Variants in ZNF600 observed in about 807,000 individuals in gnomAD.
ZNF600 encodes zinc finger protein 600, also known as zinc finger protein KR-ZNF1.
A neutral mutation model predicts 7.3 loss-of-function variants in ZNF600; 4 were observed. That is an observed-to-expected ratio of 0.55 (90% CI 0.27 to 1.25). The LOEUF is 1.25. Ranked by LOEUF, ZNF600 falls within the 50% of genes most tolerant of loss-of-function variation. The pLI is 0.12. For missense variants in ZNF600, 911 were observed against 922.1 expected, an observed-to-expected ratio of 0.99 and a Z score of 0.16; for synonymous variants, 290 against 308.9, an observed-to-expected ratio of 0.94 and a Z score of 0.64.
At chr19:52,816,332 A>G in the ZNF600 span, among the ~76,000 whole-genome samples, 1 of 146,846 alleles carries the variant, frequency 6.8e-6, no homozygotes, top group East Asian at 2.0e-4. Context: ...CAGCCTGGCC[A>G]ACATGGTGAA....
the ZNF600 span, among the ~76,000 whole-genome samples, chr19:52,811,779 G>A: frequency 1.9e-4 from 28 of 145,592 alleles, no homozygotes; most frequent in African/African-American, 6.5e-4. Flanking sequence ...TCAGCCCCCC[G>A]CCCGGCCAGC....
chr19:52,790,076 C>G (rs551682072), upstream of ZNF600, among the ~76,000 whole-genome samples: 3 of 152,268 alleles, frequency 2.0e-5, no homozygotes, highest in African/African-American at 4.8e-5. Flanking sequence ...GCCATTTACA[C>G]TTCTTTTGTG....
the ZNF600 span, chr19:52,801,804 C>G: frequency 3.6e-6 from 4 of 1,126,144 alleles, no homozygotes; most frequent in Non-Finnish European, 5.0e-6. Context: ...TTTTAAACTT[C>G]CCAAACATGA....
At chr19:52,769,852 G>C (rs1194611622) in intron 3 of ZNF600, among the ~76,000 whole-genome samples, 1 of 152,106 alleles carries the variant, frequency 6.6e-6, no homozygotes, top group Non-Finnish European at 1.5e-5. Flanking sequence ...ACTGTACCTG[G>C]TGGCACTTTG....
exon 4 of ZNF600, chr19:52,766,854 G>C: frequency 6.2e-7 from 1 of 1,614,126 alleles, no homozygotes; most frequent in South Asian, 1.1e-5. Flanking sequence ...ACATTTGTAA[G>C]GTTTCTCTCC....
At chr19:52,828,623 G>A in the ZNF600 span, among the ~76,000 whole-genome samples, 2 of 152,068 alleles carry the variant, frequency 1.3e-5, no homozygotes, top group African/African-American at 2.4e-5. Context: ...CATAGAATGT[G>A]TACTGGGAAA....
the ZNF600 span, chr19:52,800,672 A>T: frequency 2.5e-6 from 4 of 1,613,190 alleles, no homozygotes; most frequent in Non-Finnish European, 3.4e-6. Context: ...TGCGACTGAA[A>T]ACTTTTTCAC....
chr19:52,790,575 A>G (rs2062788591), upstream of ZNF600, among the ~76,000 whole-genome samples: 1 of 152,146 alleles, frequency 6.6e-6, no homozygotes, highest in Non-Finnish European at 1.5e-5. Context: ...TTGGGAGTCT[A>G]AAGTCGGAAT....
the ZNF600 span, among the ~76,000 whole-genome samples, chr19:52,797,059 TGA>T: frequency 8.5e-5 from 13 of 152,228 alleles, no homozygotes; most frequent in Non-Finnish European, 1.9e-4. Context: ...CACTTATTTC[TGA>T]GATACAAGGA....
At chr19:52,790,471 T>G (rs1212536246), upstream of ZNF600, among the ~76,000 whole-genome samples, 4 of 152,074 alleles carry the variant, frequency 2.6e-5, no homozygotes, top group Non-Finnish European at 5.9e-5. Context: ...CACTTCAGCT[T>G]GGGCAACAGA....
At chr19:52,808,949 A>G in the ZNF600 span, among the ~76,000 whole-genome samples, 4 of 152,240 alleles carry the variant, frequency 2.6e-5, no homozygotes, top group African/African-American at 4.8e-5. Flanking sequence ...CATTTGTCCC[A>G]GATTTTCAAA....
At chr19:52,802,196 C>T in the ZNF600 span, among the ~76,000 whole-genome samples, 1 of 152,088 alleles carries the variant, frequency 6.6e-6, no homozygotes, top group African/African-American at 2.4e-5. Context: ...ATAGCACTGA[C>T]AAGATAACAA....
the ZNF600 span, among the ~76,000 whole-genome samples, chr19:52,832,904 TGAG>T: frequency 3.9e-5 from 6 of 152,094 alleles, no homozygotes; most frequent in Admixed American, 3.9e-4. Context: ...CCTGAGTGGC[TGAG>T]ATTACAGGCA....
At chr19:52,817,030 TTGAA>T in the ZNF600 span, among the ~76,000 whole-genome samples, 1 of 151,978 alleles carries the variant, frequency 6.6e-6, no homozygotes, top group Non-Finnish European at 1.5e-5. Context: ...TTAAGAATGG[TTGAA>T]TGACTCTCCT....
the ZNF600 span, among the ~76,000 whole-genome samples, chr19:52,823,079 C>A: frequency 6.6e-6 from 1 of 152,124 alleles, no homozygotes; most frequent in Non-Finnish European, 1.5e-5. Flanking sequence ...TGATACACTT[C>A]AAGGAAGGTT....
chr19:52,766,057 G>A (rs2062571193), exon 4 of ZNF600: 5 of 1,612,798 alleles, frequency 3.1e-6, no homozygotes, highest in Admixed American at 3.3e-5. Context: ...ACAAGGGATG[G>A]CTTGTGACTG....
the ZNF600 span, among the ~76,000 whole-genome samples, chr19:52,792,120 C>T: frequency 6.6e-6 from 1 of 152,218 alleles, no homozygotes; most frequent in African/African-American, 2.4e-5. Context: ...ACTCAGAGGG[C>T]GTGAGCCCAG....
chr19:52,771,769 C>T lies in ZNF600; in HGVS notation c.190+2806G>A, dbSNP rs1400350779. ...TTGGGATTATAGTCGTGAGCCATCACGCCCGTCCAATTTTTTTTAATTTAG... is the reference window on the plus strand; with the variant it reads ...TTGGGATTATAGTCGTGAGCCATCATGCCCGTCCAATTTTTTTTAATTTAG... On this transcript the variant is annotated intron_variant, in intron 3 of 3. Coordinates refer to ENST00000648973, the Ensembl canonical transcript of ZNF600. Among the ~76,000 whole-genome samples, 12 of 152,192 alleles carry T rather than the reference C, an allele frequency of 7.9e-5. 1 individual carries two copies. In the East Asian group the frequency reaches 1.5e-3, roughly 20 times the overall value.
intron 3 of ZNF600, among the ~76,000 whole-genome samples, chr19:52,770,709 A>G (rs1024931719): frequency 6.6e-6 from 1 of 152,222 alleles, no homozygotes; most frequent in Non-Finnish European, 1.5e-5. Context: ...CACCTTGGCT[A>G]AAAGTCATTA....
Sources: gnomAD v4.1 joint callset for allele counts (sites outside exome capture counted in the v4.1 genomes callset) on GRCh38, gnomAD v4.1.1 for gene constraint, MANE v1.5 for transcripts, NCBI Gene and HGNC (gene_info 2026-07-23, HGNC 2026-07-21) for gene names.